The following KCTD1 variants were observed in gnomAD, a reference collection of about 807,000 sequenced individuals.
KCTD1 encodes potassium channel tetramerization domain containing 1, also known as BTB/POZ domain-containing protein KCTD1.
A neutral mutation model predicts 66.0 loss-of-function variants in KCTD1; 24 were observed. The observed-to-expected ratio is 0.36, with a 90% CI of 0.26 to 0.51. The LOEUF (loss-of-function observed/expected upper bound fraction) is 0.51, where lower values mean the gene tolerates loss of function less well. Among genes scored for constraint, KCTD1 ranks in the 20% least tolerant of loss-of-function variants. The probability of loss-of-function intolerance (pLI) is 0.95; values close to 1 mark genes in which losing one functional copy is unlikely to be tolerated. For missense variants in KCTD1, 943 were observed against 1,205.2 expected (o/e 0.78, Z 3.22); for synonymous variants, 511 against 517.2 (o/e 0.99, Z 0.16).
chr18:26,474,652 T>A (rs941736227), intron 3 of KCTD1, among the ~76,000 whole-genome samples: 1 of 152,228 alleles, frequency 6.6e-6, no homozygotes, highest in Non-Finnish European at 1.5e-5. Context: ...GTTGTTTGTA[T>A]GTTTCTCATA....
At position 26,656,940 on chromosome 18, in the gene KCTD1, CGCGGGGAGGCTGGCGCGCGGAGCGGCG is replaced by C. The variant is rs1417310381; in HGVS notation, c.9+393_9+419del. Among the ~76,000 whole-genome samples, 3 of 148,990 alleles carry C rather than the reference CGCGGGGAGGCTGGCGCGCGGAGCGGCG, an allele frequency of 2.0e-5. No individual in the cohort carries two copies. In the East Asian group the frequency reaches 6.1e-4, roughly 30 times the overall value. On this transcript the variant is annotated intron_variant, in intron 1 of 4. Transcript: ENST00000580191. ...CGGGGGAGAGCCGCGGCGGAGCGGC[CGCGGGGAGGCTGGCGCGCGGAGCGGCG>C]GGCGGGCGGCTCTGGCACGGGCTCC...
At chr18:26,556,880 T>C (rs905771553) in intron 1 of KCTD1, among the ~76,000 whole-genome samples, 4 of 152,166 alleles carry the variant, frequency 2.6e-5, no homozygotes, top group Admixed American at 1.3e-4. Context: ...CCAAATACAT[T>C]TGGGTGTTAT....
chr18:26,526,290 C>A (rs1984155748), intron 1 of KCTD1, among the ~76,000 whole-genome samples: 1 of 150,642 alleles, frequency 6.6e-6, no homozygotes, highest in Non-Finnish European at 1.5e-5. Context: ...TGCCCATGCA[C>A]AATGAACCTC....
intron 1 of KCTD1, among the ~76,000 whole-genome samples, chr18:26,623,340 T>C (rs746947989): frequency 2.9e-4 from 44 of 152,184 alleles, no homozygotes; most frequent in Admixed American, 3.9e-4. Context: ...GCTGATATGC[T>C]TTGACTGTGT....
intron 1 of KCTD1, chr18:26,543,836 T>G (rs1322117369): frequency 6.6e-6 from 1 of 152,260 alleles, no homozygotes; most frequent in Non-Finnish European, 1.5e-5. Flanking sequence ...GAGAGAGACA[T>G]GTCTACAAAA....
At chr18:26,615,381 G>T (rs1333137503) in intron 1 of KCTD1, among the ~76,000 whole-genome samples, 2 of 152,220 alleles carry the variant, frequency 1.3e-5, no homozygotes, top group Admixed American at 6.5e-5. Flanking sequence ...TATTTTGCTA[G>T]TCTGTCAGAT....
At chr18:26,605,859 T>C (rs1987003848) in intron 1 of KCTD1, among the ~76,000 whole-genome samples, 1 of 152,190 alleles carries the variant, frequency 6.6e-6, no homozygotes, top group Non-Finnish European at 1.5e-5. Context: ...CAAAAGTATC[T>C]GAGACAGGTC....
At chr18:26,627,978 G>A (rs937034228) in intron 1 of KCTD1, among the ~76,000 whole-genome samples, 4 of 152,152 alleles carry the variant, frequency 2.6e-5, no homozygotes, top group Admixed American at 6.5e-5. Context: ...GCAGGCTGCC[G>A]GGAGGTTGCC....
chr18:26,614,415 T>C (rs373158969), intron 1 of KCTD1, among the ~76,000 whole-genome samples: 12 of 152,168 alleles, frequency 7.9e-5, no homozygotes, highest in African/African-American at 2.9e-4. Context: ...GGTTGAATAA[T>C]GTAGTTTGAA....
rs939441371 is a variant in KCTD1 at position 26,570,199 on chromosome 18, T to A, written c.-16+58948A>T. On this transcript the variant is annotated intron_variant, in intron 1 of 4. Coordinates refer to the KCTD1 transcript ENST00000317932. ...AGACTCCATCTAAAAAAAATATATATATATATATATATATATGATTTCAGC... is the reference window on the plus strand; with the variant it reads ...AGACTCCATCTAAAAAAAATATATAAATATATATATATATATGATTTCAGC... Among the ~76,000 whole-genome samples the A allele has an allele frequency of 1.8e-3, 238 of 134,644 alleles. 6 individuals are homozygous for A. The highest frequency in any genetic ancestry group is 5.8e-3 in the African/African-American group (218 of 37,762). 88.3% of individuals were successfully genotyped at this position (134,644 alleles called of 152,430 possible).
At chr18:26,614,021 C>A (rs1016439024) in intron 1 of KCTD1, among the ~76,000 whole-genome samples, 10 of 152,198 alleles carry the variant, frequency 6.6e-5, no homozygotes, top group African/African-American at 2.4e-4. Context: ...ATTCTTTTCA[C>A]TTGCCCTCTT....
At chr18:26,497,277 C>T (rs1982527135) in intron 2 of KCTD1, among the ~76,000 whole-genome samples, 1 of 151,876 alleles carries the variant, frequency 6.6e-6, no homozygotes, top group Admixed American at 6.6e-5. Flanking sequence ...TTAGAAAAAG[C>T]CCCCCTATCC....
chr18:26,479,550 G>C (rs944046779), intron 2 of KCTD1, among the ~76,000 whole-genome samples: 6 of 152,268 alleles, frequency 3.9e-5, no homozygotes, highest in African/African-American at 1.2e-4. Flanking sequence ...GGTGTGGAGA[G>C]AAAGAGGAAA....
chr18:26,465,087 G>A (rs899847846), intron 3 of KCTD1, among the ~76,000 whole-genome samples: 1 of 152,034 alleles, frequency 6.6e-6, no homozygotes, highest in Non-Finnish European at 1.5e-5. Flanking sequence ...CTTTGGGCTG[G>A]AATAATTTCT....
At chr18:26,619,853 C>T (rs927176710) in intron 1 of KCTD1, among the ~76,000 whole-genome samples, 2 of 152,196 alleles carry the variant, frequency 1.3e-5, no homozygotes, top group Non-Finnish European at 2.9e-5. Flanking sequence ...AAATGCCGTT[C>T]TTGGGCTTCC....
intron 1 of KCTD1, among the ~76,000 whole-genome samples, chr18:26,555,235 C>G (rs1354128110): frequency 6.6e-6 from 1 of 152,144 alleles, no homozygotes; most frequent in Non-Finnish European, 1.5e-5. Context: ...AAAAGCAAAA[C>G]AAATACGAAC....
intron 1 of KCTD1, among the ~76,000 whole-genome samples, chr18:26,536,948 A>G (rs1163061840): frequency 6.6e-6 from 1 of 151,774 alleles, no homozygotes; most frequent in Non-Finnish European, 1.5e-5. Context: ...CACGAGACAC[A>G]TTCCTGGATC....
intron 4 of KCTD1, chr18:26,458,629 T>C (rs1181409326): frequency 2.6e-5 from 4 of 152,494 alleles, no homozygotes; most frequent in African/African-American, 9.7e-5. Context: ...CAGCACACAT[T>C]AGCCTCTGAG....
intron 1 of KCTD1, among the ~76,000 whole-genome samples, chr18:26,571,172 C>T (rs1038472696): frequency 2.4e-4 from 37 of 151,980 alleles, no homozygotes; most frequent in Admixed American, 6.6e-5. Context: ...GGGTGGAGAC[C>T]GAGTATCCAT....
Sources: allele counts gnomAD v4.1 joint callset (sites outside exome capture counted in the v4.1 genomes callset), GRCh38; gene constraint gnomAD v4.1.1; transcripts MANE v1.5; gene names NCBI Gene and HGNC (gene_info 2026-07-23, HGNC 2026-07-21).